The following TLR9 variants were observed in gnomAD, a reference collection of about 807,000 sequenced individuals.
TLR9 encodes toll-like receptor 9.
Under a neutral mutation model 24.6 loss-of-function variants are expected in TLR9, and 19 were observed. That is an observed-to-expected ratio of 0.77 (90% CI 0.54 to 1.13). The LOEUF is 1.13. TLR9 is among the 50% of genes most tolerant of loss of function. The pLI, the probability that TLR9 is intolerant of heterozygous loss-of-function variation, is 0.00. For synonymous variants in TLR9, 579 were observed against 609.8 expected (o/e 0.95, Z 0.74); for missense variants, 1,065 against 1,379.6 (o/e 0.77, Z 3.61).
chr3:52,223,799 A>G lies in TLR9; in HGVS notation c.517T>C (p.Phe173Leu). ...LAGLHALRFL[F>L]MDGNCYYKNP... Reference sequence around the variant, plus strand: ...TTGTAATAACAGTTGCCGTCCATGAATAGGAAGCGCAGGGCATGCAGGCCG... The same window carrying G: ...TTGTAATAACAGTTGCCGTCCATGAGTAGGAAGCGCAGGGCATGCAGGCCG... Residue 173 changes from phenylalanine (F) to leucine (L), a missense_variant, in exon 2 of 2, where the codon TTC (phenylalanine) becomes CTC (leucine). By Grantham distance (22) the Phe-to-Leu change is conservative. Coordinates refer to ENST00000360658, the MANE Select transcript of TLR9 (RefSeq NM_017442.4). The G allele has an allele frequency of 1.9e-6, 3 of 1,593,058 alleles. No individual in the cohort carries two copies. Among genetic ancestry groups the G allele is most frequent in the South Asian group, 2.3e-5 (2 of 88,458 alleles).
At position 52,224,004 on chromosome 3, in the gene TLR9, G is replaced by A; in HGVS notation, c.312C>T (p.Ser104=). Residue 104 remains serine (S), a synonymous_variant, in exon 2 of 2, where the codon AGC becomes AGT. Transcript: ENST00000360658. The part of the protein sequence containing the change: ...LKWNCPPVGL[S]PMHFPCHMTI... ...TCATGTGGCAGGGGAAGTGCATGGG[G>A]CTGAGGCCAACCGGCGGGCAGTTCC... is the stretch of plus-strand genomic sequence containing the variant. 1.9e-6 allele frequency: 3 copies of A among 1,595,218 alleles called. No homozygotes were observed. The highest frequency in any genetic ancestry group is 2.2e-5 in the South Asian group (2 of 89,104).
In TLR9 at chr3:52,224,321, G is replaced by A. The variant is rs766751291; in HGVS notation, c.4-9C>T. ...GCGCTGCGGCAGAAACCCTGTGGGG[G>A]TGGGAGGGCTGTGTGAGTGGCCGGC... On this transcript the variant is annotated splice_polypyrimidine_tract_variant and intron_variant, in intron 1 of 1. Coordinates refer to ENST00000360658, the MANE Select transcript of TLR9 (RefSeq NM_017442.4). 1.3e-6 allele frequency: 2 copies of A among 1,561,300 alleles called. No homozygotes were observed. Among genetic ancestry groups the A allele is most frequent in the East Asian group, 2.4e-5 (1 of 41,490 alleles).
At chr3:52,225,474 C>T in intron 1 of TLR9, 53 bp downstream of exon 1, 3 of 1,605,030 alleles carry the variant, frequency 1.9e-6, no homozygotes, top group Admixed American at 1.7e-5. Flanking sequence ...CTTCTTTCCC[C>T]ACCCCTTCCC....
chr3:52,225,160 C>T (rs1270265506), intron 1 of TLR9, among the ~76,000 whole-genome samples: 9 of 152,174 alleles, frequency 5.9e-5, no homozygotes, highest in Non-Finnish European at 1.0e-4. Flanking sequence ...GCCTGACCAA[C>T]ATGGAGAAAC....
rs202131815 is a variant in TLR9, at chr3:52,223,307, G to A, written c.1009C>T (p.Arg337Cys). The A allele has an allele frequency of 6.7e-5, 108 of 1,614,116 alleles. No homozygotes were observed. Among genetic ancestry groups the A allele is most frequent in the African/African-American group, 1.3e-4 (10 of 74,938 alleles). Residue 337 changes from arginine to cysteine, a missense_variant, in exon 2 of 2, where the codon CGC becomes TGC. Coordinates refer to ENST00000360658, the MANE Select transcript of TLR9 (RefSeq NM_017442.4). ...TAATTGAAGGACAGGTTAAGCTTGC[G>A]CAGCTGTGTTAGGCCCTGGAAGGCC... ...TKAFQGLTQL[R>C]KLNLSFNYQK...
chr3:52,221,994 C>T lies in TLR9; in HGVS notation c.2322G>A (p.Leu774=). ...CACGAAFMDF[L]LEVQAAVPGL... ...CGGGCACGGCAGCCTGCACCTCCAG[C>T]AGGAAGTCCATAAAGGCCGCCCCAC... Residue 774 remains leucine (L), a synonymous_variant, in exon 2 of 2, where the codon CTG becomes CTA. Coordinates refer to ENST00000360658, the MANE Select transcript of TLR9 (RefSeq NM_017442.4). This position sits in a 1 kb window ranked among gnomAD's most constrained non-coding sequence, Gnocchi z 9.9. 1.9e-6 allele frequency: 3 copies of T among 1,607,954 alleles called. No individual in the cohort carries two copies. Among genetic ancestry groups the T allele is most frequent in the African/African-American group, 1.3e-5 (1 of 74,836 alleles).
At position 52,223,228 on chromosome 3, in the gene TLR9, A is replaced by G; in HGVS notation, c.1088T>C (p.Leu363Pro). Residue 363 changes from leucine (L) to proline (P), a missense_variant, in exon 2 of 2, where the codon CTG (leucine) becomes CCG (proline). Coordinates refer to ENST00000360658, the MANE Select transcript of TLR9 (RefSeq NM_017442.4). ...CATGTCCAGCTCCTTCAGGGCGACC[A>G]GGCTCCCGAAGGAAGGGGCCAGAGA... ...HLSLAPSFGSLVALKELDMHG... is the reference protein window; with the variant it reads ...HLSLAPSFGSPVALKELDMHG... 6.2e-7 allele frequency: 1 copy of G among 1,613,994 alleles called. No individual in the cohort carries two copies. Among genetic ancestry groups the G allele is most frequent in the Non-Finnish European group, 8.5e-7 (1 of 1,179,924 alleles).
chr3:52,223,638 C>G lies in TLR9; in HGVS notation c.678G>C (p.Leu226=), dbSNP rs1699589132. The G allele has an allele frequency of 1.1e-5, 18 of 1,579,320 alleles. No individual in the cohort carries two copies. Among genetic ancestry groups the G allele is most frequent in the Non-Finnish European group, 1.5e-5 (17 of 1,162,384 alleles). ...GTTTGACGATGCGGTTGTAGGACAA[C>G]AGCAGATACTCCAGGCTGGAAGGCA... ...RNLPSSLEYL[L]LSYNRIVKLA... The change falls in exon 2 of 2, where the codon CTG becomes CTC. Residue 226 remains leucine (L), a synonymous_variant. Coordinates refer to ENST00000360658, the MANE Select transcript of TLR9 (RefSeq NM_017442.4).
chr3:52,224,610 G>A (rs2107296395), intron 1 of TLR9, among the ~76,000 whole-genome samples: 1 of 152,308 alleles, frequency 6.6e-6, no homozygotes, highest in East Asian at 1.9e-4. Flanking sequence ...GGCCAGGCAA[G>A]GTGGCCCACG....
Position 52,222,554 on chromosome 3 carries a change from G to T in TLR9, c.1762C>A (p.His588Asn), listed in dbSNP as rs200663962. ...CAGAGCTGCTGGGACACTTGGCTGT[G>T]GATGTTGTTGTGGGCCAGGCTGAGG... ...RHLSLAHNNIHSQVSQQLCST... is the reference protein window; with the variant it reads ...RHLSLAHNNINSQVSQQLCST... The change falls in exon 2 of 2, where the codon CAC becomes AAC. Residue 588 changes from histidine (H) to asparagine (N), a missense_variant. Transcript: ENST00000360658. 2.5e-6 allele frequency: 4 copies of T among 1,614,214 alleles called. No individual in the cohort carries two copies. Among genetic ancestry groups the T allele is most frequent in the Non-Finnish European group, 2.5e-6 (3 of 1,180,038 alleles).
Position 52,223,542 on chromosome 3 carries a change from G to A in TLR9, c.774C>T (p.Cys258=), listed in dbSNP as rs147882631. 20 of 1,534,986 alleles carry A rather than the reference G, an allele frequency of 1.3e-5. No homozygotes were observed. Among genetic ancestry groups the A allele is most frequent in the South Asian group, 6.4e-5 (5 of 78,024 alleles). The change falls in exon 2 of 2, where the codon TGC becomes TGT. Residue 258 remains cysteine (C), a synonymous_variant. Transcript: ENST00000360658. ...VLDVGGNCRR[C]DHAPNPCMEC... ...CCATGCAGGGGTTGGGAGCGTGGTC[G>A]CAGCGGCGGCAATTTCCGCCCACAT... is the stretch of plus-strand genomic sequence containing the variant.
In TLR9 at chr3:52,221,823, A is replaced by G; in HGVS notation, c.2493T>C (p.Gly831=). 4 of 1,613,906 alleles carry G rather than the reference A, an allele frequency of 2.5e-6. No homozygotes were observed. The highest frequency in any genetic ancestry group is 3.4e-6 in the Non-Finnish European group (4 of 1,180,006). The change falls in exon 2 of 2, where the codon GGT becomes GGC. Residue 831 remains glycine (G), a synonymous_variant. Coordinates refer to ENST00000360658, the MANE Select transcript of TLR9 (RefSeq NM_017442.4). This position sits in a 1 kb window ranked among gnomAD's most constrained non-coding sequence, Gnocchi z 9.9. ...LSLLAVALGL[G]VPMLHHLCGW... ...CACAGAGGTGATGCAGCATGGGCAC[A>G]CCCAGGCCCAGAGCCACAGCCAGCA...
Position 52,221,825 on chromosome 3 carries a change from C to A in TLR9, c.2491G>T (p.Gly831Cys). 5.0e-6 allele frequency: 8 copies of A among 1,613,956 alleles called. No homozygotes were observed. The highest frequency in any genetic ancestry group is 6.8e-6 in the Non-Finnish European group (8 of 1,180,018). The change falls in exon 2 of 2, where the codon GGT becomes TGT. Residue 831 changes from glycine (G) to cysteine (C), a missense_variant. Coordinates refer to ENST00000360658, the MANE Select transcript of TLR9 (RefSeq NM_017442.4). This position sits in a 1 kb window ranked among gnomAD's most constrained non-coding sequence, Gnocchi z 9.9. ...CAGAGGTGATGCAGCATGGGCACAC[C>A]CAGGCCCAGAGCCACAGCCAGCAGC... ...LSLLAVALGL[G>C]VPMLHHLCGW... is the part of the protein sequence containing the mutation.
chr3:52,222,366 G>T lies in TLR9; in HGVS notation c.1950C>A (p.Asn650Lys), dbSNP rs201034065. The T allele has an allele frequency of 4.3e-6, 7 of 1,614,116 alleles. No homozygotes were observed. The highest frequency in any genetic ancestry group is 4.2e-6 in the Non-Finnish European group (5 of 1,180,054). ...LHTLLPQTLRNLPKSLQVLRL... is the reference protein window; with the variant it reads ...LHTLLPQTLRKLPKSLQVLRL... ...GCAGCACCTGTAGGCTCTTGGGGAG[G>T]TTGCGCAGGGTTTGGGGCAGGAGGG... is the stretch of plus-strand genomic sequence containing the variant. Residue 650 changes from asparagine to lysine, a missense_variant, in exon 2 of 2, where the codon AAC becomes AAA. Physicochemically the swap from Asn to Lys is moderately conservative, Grantham distance 94. Transcript: ENST00000360658.
intron 1 of TLR9, among the ~76,000 whole-genome samples, chr3:52,224,598 C>T (rs1172565156): frequency 6.6e-6 from 1 of 152,152 alleles, no homozygotes; most frequent in African/African-American, 2.4e-5. Context: ...CTGGCTATAC[C>T]AGGCCAGGCA....
chr3:52,225,606 C>T lies in TLR9; in HGVS notation c.-77G>A, dbSNP rs1276796821. ...GCTACAGGGAAGGATGCTTCACACTCGAGGTCCCTTCCCACAGGGGCAGCA... is the reference window on the plus strand; with the variant it reads ...GCTACAGGGAAGGATGCTTCACACTTGAGGTCCCTTCCCACAGGGGCAGCA... On this transcript the variant is annotated 5_prime_UTR_variant, in exon 1 of 2. Coordinates refer to ENST00000360658, the MANE Select transcript of TLR9 (RefSeq NM_017442.4). 1.3e-6 allele frequency: 2 copies of T among 1,565,198 alleles called. No individual in the cohort carries two copies. The highest frequency in any genetic ancestry group is 1.7e-6 in the Non-Finnish European group (2 of 1,158,182).
At chr3:52,224,352 G>T in intron 1 of TLR9, 40 bp from the exon 2 acceptor site, 1 of 1,484,848 alleles carries the variant, frequency 6.7e-7, no homozygotes, top group Non-Finnish European at 9.2e-7. Context: ...CCGGCCCCCA[G>T]CTCTACCTCC....
chr3:52,221,969 C>G lies in TLR9; in HGVS notation c.2347G>C (p.Gly783Arg). Residue 783 changes from glycine to arginine, a missense_variant, in exon 2 of 2, where the codon GGT becomes CGT. By Grantham distance (125) the Gly-to-Arg change is moderately radical (BLOSUM62 -2). Transcript: ENST00000360658. The surrounding 1 kb of genome is among the most constrained non-coding windows in gnomAD (Gnocchi z 9.9). ...CCACACTTCACCCGGCTGGGCAGAC[C>G]GGGCACGGCAGCCTGCACCTCCAGC... is the stretch of plus-strand genomic sequence containing the variant. ...FLLEVQAAVP[G>R]LPSRVKCGSP... 1.9e-6 allele frequency: 3 copies of G among 1,608,354 alleles called. No individual in the cohort carries two copies. Among genetic ancestry groups the G allele is most frequent in the Non-Finnish European group, 2.5e-6 (3 of 1,177,070 alleles).
Position 52,223,452 on chromosome 3 carries a change from G to A in TLR9, c.864C>T (p.Gly288=). The A allele has an allele frequency of 6.3e-7, 1 of 1,594,420 alleles. No individual in the cohort carries two copies. Among genetic ancestry groups the A allele is most frequent in the South Asian group, 1.1e-5 (1 of 88,140 alleles). ...AGAGAGAACTGTCCTTCAACACCAGGCCTTCAAGACGGCTCAGGTGGCTGA... is the reference window on the plus strand; with the variant it reads ...AGAGAGAACTGTCCTTCAACACCAGACCTTCAAGACGGCTCAGGTGGCTGA... The part of the protein sequence containing the change: ...DTFSHLSRLE[G]LVLKDSSLSW... Residue 288 remains glycine, a synonymous_variant, in exon 2 of 2, where the codon GGC becomes GGT. Transcript: ENST00000360658.
Sources: allele counts gnomAD v4.1 joint callset (sites outside exome capture counted in the v4.1 genomes callset), GRCh38; gene constraint gnomAD v4.1.1; non-coding constraint Gnocchi (gnomAD v3.1); transcripts MANE v1.5; gene names NCBI Gene and HGNC (gene_info 2026-07-23, HGNC 2026-07-21).